B3GALT1: variants seen among roughly 807,000 people sequenced by gnomAD.
B3GALT1 encodes the protein UDP-Gal:betaGlcNAc beta 1,3-galactosyltransferase, polypeptide 1.
In B3GALT1, 10 loss-of-function variants were observed where a neutral mutation model predicts 23.2. The observed-to-expected ratio is 0.43, with a 90% CI of 0.27 to 0.73. B3GALT1 has a LOEUF of 0.73. Among genes scored for constraint, B3GALT1 ranks in the 30% least tolerant of loss-of-function variants. The pLI is 0.21. For synonymous variants in B3GALT1, 156 were observed against 141.5 expected (o/e 1.10, Z -0.73); for missense variants, 299 against 405.4 (o/e 0.74, Z 2.25).
chr2:167,784,947 T>C (rs1363605761), intron 3 of B3GALT1, among the ~76,000 whole-genome samples: 2 of 152,176 alleles, frequency 1.3e-5, no homozygotes, highest in Admixed American at 1.3e-4. Flanking sequence ...TAAAATGTAA[T>C]ATTTCAAGAT....
At chr2:167,536,985 C>T (rs574115183) in intron 2 of B3GALT1, among the ~76,000 whole-genome samples, 5 of 152,214 alleles carry the variant, frequency 3.3e-5, no homozygotes, top group South Asian at 2.1e-4. Context: ...TACTAAAAGT[C>T]GCAGATCCCT....
intron 2 of B3GALT1, among the ~76,000 whole-genome samples, chr2:167,509,921 T>G (rs1360103407): frequency 6.6e-6 from 1 of 151,756 alleles, no homozygotes; most frequent in Non-Finnish European, 1.5e-5. Flanking sequence ...ATGAAGGAAG[T>G]TGAGAGCATT....
chr2:167,752,038 C>G (rs1435049675), intron 3 of B3GALT1, among the ~76,000 whole-genome samples: 1 of 152,026 alleles, frequency 6.6e-6, no homozygotes, highest in Non-Finnish European at 1.5e-5. Context: ...TGCATTGTTC[C>G]AGGAGAGTCT....
At chr2:167,462,783 A>AAAAT (rs1699279907) in intron 1 of B3GALT1, among the ~76,000 whole-genome samples, 1 of 152,182 alleles carries the variant, frequency 6.6e-6, no homozygotes, top group African/African-American at 2.4e-5. Flanking sequence ...AGTAATCTTT[A>AAAAT]GCTCATTATA....
chr2:167,808,712 T>C (rs1449889669), intron 3 of B3GALT1, among the ~76,000 whole-genome samples: 1 of 151,958 alleles, frequency 6.6e-6, no homozygotes, highest in African/African-American at 2.4e-5. Flanking sequence ...TGGCTGCCCT[T>C]AACATTTTTT....
At chr2:167,679,110 T>G (rs2105491002) in intron 3 of B3GALT1, among the ~76,000 whole-genome samples, 1 of 138,870 alleles carries the variant, frequency 7.2e-6, no homozygotes, top group East Asian at 2.0e-4. Context: ...TTGTTTTTGT[T>G]TTTTTGTTTT....
intron 1 of B3GALT1, among the ~76,000 whole-genome samples, chr2:167,405,059 A>G (rs1211148082): frequency 1.3e-5 from 2 of 152,158 alleles, no homozygotes; most frequent in Admixed American, 6.5e-5. Flanking sequence ...CTTCTCAGAC[A>G]GGAAGGATGG....
chr2:167,435,991 A>ACG (rs1228455384), intron 1 of B3GALT1, among the ~76,000 whole-genome samples: 29 of 118,870 alleles, frequency 2.4e-4, no homozygotes, highest in African/African-American at 1.1e-3. Context: ...ACGCACACAC[A>ACG]CACACGCACT....
At chr2:167,511,950 A>G (rs1387967099) in intron 2 of B3GALT1, among the ~76,000 whole-genome samples, 2 of 152,216 alleles carry the variant, frequency 1.3e-5, no homozygotes, top group African/African-American at 4.8e-5. Context: ...CAATGAATAC[A>G]AAAGACAAAG....
intron 2 of B3GALT1, among the ~76,000 whole-genome samples, chr2:167,566,361 G>A (rs1485312167): frequency 1.3e-5 from 2 of 151,504 alleles, no homozygotes; most frequent in African/African-American, 4.9e-5. Flanking sequence ...TGGGGTGGGG[G>A]GAGAGGGGAG....
rs567995533 is a variant in B3GALT1 at position 167,591,593 on chromosome 2, C to T, written c.-409-55316C>T. Among the ~76,000 whole-genome samples, 33 of 152,236 alleles carry T rather than the reference C, an allele frequency of 2.2e-4. No homozygotes were observed. The South Asian group carries it at 6.4e-3, about 30-fold the overall frequency. On this transcript the variant is annotated intron_variant, in intron 2 of 4. Coordinates refer to ENST00000392690, the MANE Select transcript of B3GALT1 (RefSeq NM_020981.4). ...CGAGCAATCCTCCCACCTCAGCCTT[C>T]GGAGTAGCTGGAACTACAGGTGCAT...
chr2:167,408,107 A>G (rs1253923277), intron 1 of B3GALT1, among the ~76,000 whole-genome samples: 6 of 151,788 alleles, frequency 4.0e-5, no homozygotes, highest in Non-Finnish European at 8.8e-5. Flanking sequence ...TCACTGGTGA[A>G]CGTAGACACA....
rs78883269 is a variant in B3GALT1, at chr2:167,459,253, C to T, written c.-510-30924C>T. Among the ~76,000 whole-genome samples, 882 of 152,108 alleles carry T rather than the reference C, an allele frequency of 5.8e-3. 9 individuals are homozygous for T. The highest frequency in any genetic ancestry group is 0.02 in the African/African-American group (846 of 41,512). On this transcript the variant is annotated intron_variant, in intron 1 of 4. Transcript: ENST00000392690. ...TTTGTAGTGAAGTGTTGAAATTACT[C>T]TTTTATTTCCTTTTGCATATTTTCT...
intron 1 of B3GALT1, among the ~76,000 whole-genome samples, chr2:167,350,372 T>C (rs1386240920): frequency 6.6e-6 from 1 of 152,232 alleles, no homozygotes; most frequent in Non-Finnish European, 1.5e-5. Context: ...TCTTATAAAA[T>C]ACAAATATTA....
intron 3 of B3GALT1, among the ~76,000 whole-genome samples, chr2:167,717,441 A>G (rs1320282611): frequency 1.3e-5 from 2 of 151,458 alleles, no homozygotes; most frequent in African/African-American, 4.9e-5. Context: ...CCCTCCCCCT[A>G]CTATACATGT....
chr2:167,823,995 A>T (rs1217974518), intron 4 of B3GALT1, among the ~76,000 whole-genome samples: 1 of 152,228 alleles, frequency 6.6e-6, no homozygotes, highest in Non-Finnish European at 1.5e-5. Context: ...GTAATAAAGG[A>T]ATCTGACTAG....
At chr2:167,608,628 C>T (rs1685007969) in intron 2 of B3GALT1, among the ~76,000 whole-genome samples, 1 of 152,126 alleles carries the variant, frequency 6.6e-6, no homozygotes, top group Admixed American at 6.6e-5. Context: ...ATTTGTTTAG[C>T]ATAGGAAGTT....
In B3GALT1 at chr2:167,869,866, G is replaced by A. The variant is rs1301195538; in HGVS notation, c.827G>A (p.Gly276Asp). Residue 276 changes from glycine (G) to aspartate (D), a missense_variant, in exon 5 of 5, where the codon GGC becomes GAC. Coordinates refer to ENST00000392690, the MANE Select transcript of B3GALT1 (RefSeq NM_020981.4). The surrounding 1 kb of genome is among the most constrained non-coding windows in gnomAD (Gnocchi z 6.4). Reference protein sequence around the residue: ...VYVGLCLRKLGIHPFQNSGFN... With the variant: ...VYVGLCLRKLDIHPFQNSGFN... ...GTGGGACTGTGTCTTCGAAAGCTGG[G>A]CATACATCCTTTCCAGAACAGTGGC... 5 of 1,614,006 alleles carry A rather than the reference G, an allele frequency of 3.1e-6. No homozygotes were observed. The highest frequency in any genetic ancestry group is 4.2e-6 in the Non-Finnish European group (5 of 1,180,046).
chr2:167,610,799 C>A (rs1574166486), intron 2 of B3GALT1, among the ~76,000 whole-genome samples: 1 of 150,690 alleles, frequency 6.6e-6, no homozygotes, highest in Non-Finnish European at 1.5e-5. Context: ...AACAACCAAA[C>A]CTGTGTCTTA....
Sources: gnomAD v4.1 joint callset for allele counts (sites outside exome capture counted in the v4.1 genomes callset) on GRCh38, gnomAD v4.1.1 for gene constraint, Gnocchi (gnomAD v3.1) non-coding constraint, MANE v1.5 for transcripts, NCBI Gene and HGNC (gene_info 2026-07-23, HGNC 2026-07-21) for gene names.